AKR1E2: variants seen among roughly 807,000 people sequenced by gnomAD.
AKR1E2 encodes aldo-keto reductase family 1 member E2.
AKR1E2 carries 43 observed loss-of-function variants against 41.9 expected under a neutral mutation model. The observed-to-expected ratio is 1.03, with a 90% CI of 0.80 to 1.32. The LOEUF is 1.32. Among genes scored for constraint, AKR1E2 ranks in the 40% most tolerant of loss-of-function variants. AKR1E2 has a pLI of 0.00. For missense variants in AKR1E2, 423 were observed against 396.5 expected (o/e 1.07, Z -0.57); for synonymous variants, 121 against 138.9 (o/e 0.87, Z 0.91).
intron 6 of AKR1E2, among the ~76,000 whole-genome samples, chr10:4,841,238 G>A (rs1015455249): frequency 6.6e-5 from 10 of 152,248 alleles, no homozygotes; most frequent in East Asian, 1.9e-4. Flanking sequence ...GTACACACTC[G>A]TTAAAAAACT....
At chr10:4,845,493 AGCATGCTGTCACCCCTCAATGGGG>A (rs1444172556) in intron 8 of AKR1E2, among the ~76,000 whole-genome samples, 13 of 47,680 alleles carry the variant, frequency 2.7e-4, no homozygotes, top group African/African-American at 5.8e-4. Context: ...GGGGGCTGCC[AGCATGCTGTCACCCCTCAATGGGG>A]GCCTGGCCTA....
chr10:4,854,241 A>T, the AKR1E2 span, among the ~76,000 whole-genome samples: 1 of 151,906 alleles, frequency 6.6e-6, no homozygotes, highest in Admixed American at 6.6e-5. Context: ...CTACAGGTGC[A>T]TGCCACCACA....
chr10:4,847,926 A>G lies in AKR1E2; in HGVS notation c.*396A>G, dbSNP rs1255713388. On this transcript the variant is annotated 3_prime_UTR_variant, in exon 10 of 10. Transcript: ENST00000298375. ...CCCCAGGCCAGCCCGCGTCACCTAC[A>G]CTTCCTTCTGTGCCCTGCCAGTGAC... is the stretch of plus-strand genomic sequence containing the variant. 5.5e-6 allele frequency: 1 copy of G among 180,904 alleles called. No individual in the cohort carries two copies. The highest frequency in any genetic ancestry group is 1.1e-5 in the Non-Finnish European group (1 of 87,874). The allele number at this position is 180,904 out of a possible 1,614,324, so 11.2% of individuals were successfully genotyped here.
the AKR1E2 span, among the ~76,000 whole-genome samples, chr10:4,860,462 T>G: frequency 1.3e-5 from 2 of 152,224 alleles, no homozygotes; most frequent in Non-Finnish European, 2.9e-5. Context: ...GGAACCTTTA[T>G]GACCAAGGAC....
the AKR1E2 span, among the ~76,000 whole-genome samples, chr10:4,873,084 A>G: frequency 6.6e-6 from 1 of 152,110 alleles, no homozygotes; most frequent in African/African-American, 2.4e-5. Context: ...CACAATTCCC[A>G]TGTGTCGTCG....
chr10:4,843,092 A>AGAAGTGTGT (rs961595565), intron 8 of AKR1E2, among the ~76,000 whole-genome samples: 9 of 152,346 alleles, frequency 5.9e-5, no homozygotes, highest in Admixed American at 5.9e-4. Flanking sequence ...CAAGAACCAC[A>AGAAGTGTGT]GAAGTGTGTG....
At chr10:4,842,955 G>A (rs1702538626) in intron 8 of AKR1E2, among the ~76,000 whole-genome samples, 1 of 152,176 alleles carries the variant, frequency 6.6e-6, no homozygotes, top group South Asian at 2.1e-4. Context: ...GAGTTGTGTG[G>A]GAAGATTCTG....
chr10:4,863,248 A>G, the AKR1E2 span, among the ~76,000 whole-genome samples: 1 of 152,236 alleles, frequency 6.6e-6, no homozygotes, highest in Non-Finnish European at 1.5e-5. Flanking sequence ...AACAGAAATT[A>G]TAACAAACTG....
chr10:4,832,482 C>T (rs1046505446), intron 2 of AKR1E2, among the ~76,000 whole-genome samples: 1 of 152,158 alleles, frequency 6.6e-6, no homozygotes, highest in African/African-American at 2.4e-5. Context: ...TTCTAAGGCT[C>T]ACCCTGCAAT....
intron 5 of AKR1E2, 46 bp from the exon 6 acceptor site, chr10:4,839,683 G>C: frequency 6.4e-7 from 1 of 1,561,152 alleles, no homozygotes; most frequent in Non-Finnish European, 8.8e-7. Context: ...AGCTTTTCTT[G>C]AACACTAGTG....
At chr10:4,868,518 GT>G in the AKR1E2 span, among the ~76,000 whole-genome samples, 1 of 152,166 alleles carries the variant, frequency 6.6e-6, no homozygotes, top group Admixed American at 6.6e-5. Context: ...AATGGAAACA[GT>G]TTTCTTTCTT....
chr10:4,855,895 G>T, the AKR1E2 span, among the ~76,000 whole-genome samples: 1 of 152,160 alleles, frequency 6.6e-6, no homozygotes, highest in African/African-American at 2.4e-5. Context: ...AATTTACCTA[G>T]TTCGGAGCAT....
intron 6 of AKR1E2, among the ~76,000 whole-genome samples, chr10:4,840,661 T>C (rs1306404518): frequency 6.6e-6 from 1 of 152,138 alleles, no homozygotes; most frequent in Non-Finnish European, 1.5e-5. Flanking sequence ...TGCTGTGGGG[T>C]CCTTGGATAG....
chr10:4,835,619 T>G (rs2131523994), intron 3 of AKR1E2, 56 bp from the exon 4 acceptor site: 1 of 1,552,566 alleles, frequency 6.4e-7, no homozygotes, highest in South Asian at 1.2e-5. Context: ...TGACACATGG[T>G]TTTTTTTGTT....
At chr10:4,837,704 G>C in intron 5 of AKR1E2, 123 bp downstream of exon 5, 1 of 1,420,158 alleles carries the variant, frequency 7.0e-7, no homozygotes, top group Non-Finnish European at 9.4e-7. Context: ...TTCTCCTCTG[G>C]CAGCACTCAG....
the AKR1E2 span, among the ~76,000 whole-genome samples, chr10:4,870,023 G>C: frequency 3.3e-5 from 4 of 119,680 alleles, no homozygotes; most frequent in East Asian, 8.6e-4. Context: ...TTGTTAGGTA[G>C]AATGTTCTAT....
intron 2 of AKR1E2, among the ~76,000 whole-genome samples, chr10:4,832,016 A>ATG (rs1330956994): frequency 2.6e-5 from 4 of 152,126 alleles, no homozygotes; most frequent in Admixed American, 6.5e-5. Context: ...AGAAGAGGAA[A>ATG]TGGATGTGGA....
chr10:4,828,888 A>C (rs1016312017), intron 1 of AKR1E2, among the ~76,000 whole-genome samples: 2 of 152,182 alleles, frequency 1.3e-5, no homozygotes, highest in South Asian at 2.1e-4. Flanking sequence ...TTCACCTGCT[A>C]TATTCATTAC....
downstream of AKR1E2, among the ~76,000 whole-genome samples, chr10:4,848,841 C>T (rs75169048): frequency 0.034 from 5,215 of 152,326 alleles, 147 homozygotes; most frequent in East Asian, 0.11. Flanking sequence ...GACTGCCTCA[C>T]CTCCCAGCCT....
Sources: allele counts gnomAD v4.1 joint callset (sites outside exome capture counted in the v4.1 genomes callset), GRCh38; gene constraint gnomAD v4.1.1; transcripts MANE v1.5; gene names NCBI Gene and HGNC (gene_info 2026-07-23, HGNC 2026-07-21).